The following LRRC37A variants were observed in gnomAD, a reference collection of about 807,000 sequenced individuals.
The protein encoded by LRRC37A is leucine-rich repeat-containing protein 37A.
A neutral mutation model predicts 35.4 loss-of-function variants in LRRC37A; 3 were observed. The ratio of observed to expected loss-of-function variants is 0.08; its 90% CI spans 0.04 to 0.22. The LOEUF is 0.22. LRRC37A is among the 10% of genes least tolerant of loss of function. The pLI is 1.00. For missense variants in LRRC37A, 67 were observed against 565.3 expected, an observed-to-expected ratio of 0.12 and a Z score of 8.94; for synonymous variants, 23 against 215.0, an observed-to-expected ratio of 0.11 and a Z score of 7.81.
chr17:46,263,854 CAAAAAAAAAAA>C, the LRRC37A span, among the ~76,000 whole-genome samples: 2 of 96,252 alleles, frequency 2.1e-5, no homozygotes, highest in Non-Finnish European at 4.1e-5. Context: ...GACTCTGTCT[CAAAAAAAAAAA>C]AAAAAAAAAG....
the LRRC37A span, among the ~76,000 whole-genome samples, chr17:46,248,572 T>C: frequency 3.8e-4 from 58 of 152,192 alleles, no homozygotes; most frequent in African/African-American, 1.3e-3. Context: ...CAGGCTGCAG[T>C]GCAGCGGCAT....
the LRRC37A span, among the ~76,000 whole-genome samples, chr17:46,279,630 T>C: frequency 1.3e-5 from 2 of 151,710 alleles, no homozygotes; most frequent in African/African-American, 2.4e-5. Context: ...CTGGAGTAGC[T>C]GGGATCATGG....
At chr17:46,267,610 C>G in the LRRC37A span, 1 of 1,549,284 alleles carries the variant, frequency 6.5e-7, no homozygotes, top group Non-Finnish European at 8.9e-7. Context: ...GTCGTCCAGT[C>G]TTTTTTTGGG....
upstream of LRRC37A, among the ~76,000 whole-genome samples, chr17:46,290,531 C>T (rs1208353533): frequency 6.6e-6 from 1 of 152,232 alleles, no homozygotes; most frequent in Non-Finnish European, 1.5e-5. Context: ...ACTGCAACCT[C>T]CGCCTTCTGG....
chr17:46,267,165 G>A, the LRRC37A span: 74,371 of 523,540 alleles, frequency 0.14, 50 homozygotes, highest in Middle Eastern at 0.19. Flanking sequence ...GAGCCCGGCC[G>A]CCGCGCCGCC....
the LRRC37A span, among the ~76,000 whole-genome samples, chr17:46,284,832 A>C: frequency 1.2e-4 from 19 of 152,248 alleles, no homozygotes; most frequent in Non-Finnish European, 2.5e-4. Context: ...TATGATAAAA[A>C]TAGAAGAAAG....
At chr17:46,304,932 G>A (rs865993068) in intron 3 of LRRC37A, among the ~76,000 whole-genome samples, 4 of 66,326 alleles carry the variant, frequency 6.0e-5, no homozygotes, top group Non-Finnish European at 9.4e-5. Context: ...GCAGTGGTGC[G>A]ATCTCGGCTC....
At chr17:46,253,948 G>A in the LRRC37A span, among the ~76,000 whole-genome samples, 2 of 152,218 alleles carry the variant, frequency 1.3e-5, no homozygotes, top group South Asian at 2.1e-4. Flanking sequence ...AACCAACAGA[G>A]GTAGGGGAAG....
upstream of LRRC37A, among the ~76,000 whole-genome samples, chr17:46,289,726 T>C (rs2950665): frequency 6.6e-6 from 1 of 152,232 alleles, no homozygotes; most frequent in Non-Finnish European, 1.5e-5. Context: ...TTTTTCTTCC[T>C]AAATCTTATA....
At chr17:46,263,125 A>T in the LRRC37A span, among the ~76,000 whole-genome samples, 1 of 152,074 alleles carries the variant, frequency 6.6e-6, no homozygotes, top group Non-Finnish European at 1.5e-5. Context: ...AGGAGGGAGG[A>T]TCACCTGAGT....
rs1187218049 is a variant in LRRC37A at position 46,315,248 on chromosome 17, A to G, written c.2907-7074A>G. Among the ~76,000 whole-genome samples the G allele has an allele frequency of 8.6e-5, 7 of 81,034 alleles. 3 individuals are homozygous for G. Among genetic ancestry groups the G allele is most frequent in the African/African-American group, 1.6e-4 (5 of 31,260 alleles). The allele number at this position is 81,034 out of a possible 152,430, so 53.2% of individuals were successfully genotyped here. A position where few individuals can be genotyped will look rare whatever the true frequency, so the allele number is the denominator to read the frequency against. ...ATAATTTGGTCTTCTGTATTTTTGC[A>G]GTGCAGTGGCTCATACCTGTCATCC... On this transcript the variant is annotated intron_variant, in intron 5 of 13. Coordinates refer to ENST00000320254, the Ensembl canonical transcript of LRRC37A.
chr17:46,248,054 A>G, the LRRC37A span, among the ~76,000 whole-genome samples: 233 of 151,962 alleles, frequency 1.5e-3, 4 homozygotes, highest in African/African-American at 2.9e-3. Context: ...ACTGGGGTTC[A>G]TATCATGAAT....
At chr17:46,273,196 A>C in the LRRC37A span, among the ~76,000 whole-genome samples, 1 of 152,238 alleles carries the variant, frequency 6.6e-6, no homozygotes, top group Non-Finnish European at 1.5e-5. Flanking sequence ...ATGCAGAATA[A>C]TTTTATAATT....
chr17:46,252,392 T>TA, the LRRC37A span, among the ~76,000 whole-genome samples: 1 of 143,174 alleles, frequency 7.0e-6, no homozygotes, highest in African/African-American at 2.5e-5. Context: ...TTTTTTTTTT[T>TA]AATTGATCAT....
the LRRC37A span, among the ~76,000 whole-genome samples, chr17:46,254,985 A>G: frequency 0.15 from 21,959 of 149,998 alleles, 2,132 homozygotes; most frequent in Middle Eastern, 0.24. Flanking sequence ...ATAGGCGCAC[A>G]CCACTATGCC....
the LRRC37A span, among the ~76,000 whole-genome samples, chr17:46,256,785 C>G: frequency 6.6e-6 from 1 of 152,080 alleles, no homozygotes; most frequent in African/African-American, 2.4e-5. Flanking sequence ...TAGAGCAACC[C>G]AATAAAAACA....
the LRRC37A span, among the ~76,000 whole-genome samples, chr17:46,278,092 G>T: frequency 6.6e-6 from 1 of 152,006 alleles, no homozygotes; most frequent in Non-Finnish European, 1.5e-5. Context: ...ACTTACAGGC[G>T]TGCACCACCA....
chr17:46,262,248 CCT>C, the LRRC37A span, among the ~76,000 whole-genome samples: 10 of 152,314 alleles, frequency 6.6e-5, no homozygotes, highest in South Asian at 1.4e-3. Flanking sequence ...CTGCACCGGG[CCT>C]CTCAAACTCC....
the LRRC37A span, among the ~76,000 whole-genome samples, chr17:46,279,725 G>A: frequency 6.6e-6 from 1 of 151,748 alleles, no homozygotes; most frequent in Non-Finnish European, 1.5e-5. Context: ...AGAATTCCTG[G>A]GCTCAAGCAT....
Sources: gnomAD v4.1 joint callset for allele counts (sites outside exome capture counted in the v4.1 genomes callset) on GRCh38, gnomAD v4.1.1 for gene constraint, MANE v1.5 for transcripts, NCBI Gene and HGNC (gene_info 2026-07-23, HGNC 2026-07-21) for gene names.